The following HS6ST2 variants were observed in gnomAD, a reference collection of about 807,000 sequenced individuals.
HS6ST2 encodes the protein heparan sulfate 6-O-sulfotransferase 2, also known as heparan-sulfate 6-O-sulfotransferase 2.
Under a neutral mutation model 33.0 loss-of-function variants are expected in HS6ST2, and 17 were observed. The ratio of observed to expected loss-of-function variants is 0.52; its 90% CI spans 0.35 to 0.77. The LOEUF (loss-of-function observed/expected upper bound fraction) is 0.77. HS6ST2 is among the 30% of genes least tolerant of loss of function. The probability of loss-of-function intolerance (pLI) is 0.01; values close to 1 mark genes in which losing one functional copy is unlikely to be tolerated. For missense variants in HS6ST2, 519 were observed against 551.7 expected, an observed-to-expected ratio of 0.94 and a Z score of 0.59; for synonymous variants, 248 against 237.1, an observed-to-expected ratio of 1.05 and a Z score of -0.42.
chrX:132,775,132 A>G (rs1462405408), intron 2 of HS6ST2, among the ~76,000 whole-genome samples: 1 of 111,266 alleles, frequency 9.0e-6, no homozygotes, highest in Non-Finnish European at 1.9e-5. Flanking sequence ...TTCCCTAAAT[A>G]TACAGCTTCT....
At chrX:132,814,280 C>A (rs1162445324) in intron 2 of HS6ST2, among the ~76,000 whole-genome samples, 1 of 111,571 alleles carries the variant, frequency 9.0e-6, no homozygotes, top group Non-Finnish European at 1.9e-5. Context: ...TCCATAACGT[C>A]CAAGCTGGTA....
At position 132,627,465 on chromosome X, in the gene HS6ST2, G is replaced by A. The variant is rs1569474599; in HGVS notation, c.*758C>T. ...GTTGAAATTACAGTGCCCTGAAAGC[G>A]CCTGGAAATTAGATCTTTACATTGG... is the stretch of plus-strand genomic sequence containing the variant. On this transcript the variant is annotated 3_prime_UTR_variant, in exon 5 of 5. Transcript: ENST00000370833. 3.6e-5 allele frequency: 4 copies of A among 112,087 alleles called. No homozygotes were observed. Among genetic ancestry groups the A allele is most frequent in the African/African-American group, 6.5e-5 (2 of 30,780 alleles). 9.2% of individuals were successfully genotyped at this position (112,087 alleles called of 1,213,427 possible).
chrX:132,883,516 T>C (rs1443581598), intron 2 of HS6ST2, among the ~76,000 whole-genome samples: 3 of 111,390 alleles, frequency 2.7e-5, no homozygotes, highest in Non-Finnish European at 5.6e-5. Flanking sequence ...CAGCTTTTTA[T>C]TGAGTGCCTA....
intron 3 of HS6ST2, among the ~76,000 whole-genome samples, chrX:132,685,031 G>A (rs191778071): frequency 9.0e-6 from 1 of 111,488 alleles, no homozygotes; most frequent in African/African-American, 3.3e-5. Context: ...CTTGTCTATA[G>A]GTTACCGAGG....
At chrX:132,866,915 T>C (rs1339369018) in intron 2 of HS6ST2, among the ~76,000 whole-genome samples, 2 of 106,836 alleles carry the variant, frequency 1.9e-5, no homozygotes, top group African/African-American at 6.9e-5. Flanking sequence ...TACAATCATG[T>C]CGTCTGCAAA....
chrX:132,910,111 G>A (rs1381568937), intron 2 of HS6ST2, among the ~76,000 whole-genome samples: 1 of 111,944 alleles, frequency 8.9e-6, no homozygotes, highest in Non-Finnish European at 1.9e-5. Context: ...AATCCTGAAA[G>A]CCTTCAAATT....
In HS6ST2 at chrX:132,958,256, G is replaced by A. The variant is rs370454722; in HGVS notation, c.347C>T (p.Thr116Ile). The A allele has an allele frequency of 8.9e-5, 106 of 1,187,121 alleles. No homozygotes were observed. Among genetic ancestry groups the A allele is most frequent in the Non-Finnish European group, 1.2e-4 (104 of 888,879 alleles). The change falls in exon 1 of 5, where the codon ACT becomes ATT. Residue 116 changes from threonine (T) to isoleucine (I), a missense_variant. Coordinates refer to ENST00000370833, the MANE Select transcript of HS6ST2 (RefSeq NM_001394073.1). ...GTGGCCCAGGGCGGCCAGGCCCCGA[G>A]TGAGCAGGGCCCGGCAGAGGGAGCC... ...DLGSLCRALL[T>I]RGLAALGHSL...
At chrX:132,679,253 C>A (rs1359204447) in intron 3 of HS6ST2, among the ~76,000 whole-genome samples, 1 of 112,099 alleles carries the variant, frequency 8.9e-6, no homozygotes, top group Admixed American at 9.5e-5. Context: ...AGGGAACCTG[C>A]CCCTATAGTC....
intron 4 of HS6ST2, among the ~76,000 whole-genome samples, chrX:132,639,835 T>A (rs373885340): frequency 2.7e-5 from 3 of 112,005 alleles, no homozygotes; most frequent in African/African-American, 9.7e-5. Flanking sequence ...GGGACTATCA[T>A]GGTTTGCTCT....
chrX:132,770,841 T>C (rs1014558527), intron 2 of HS6ST2, among the ~76,000 whole-genome samples: 1 of 111,599 alleles, frequency 9.0e-6, no homozygotes, highest in Non-Finnish European at 1.9e-5. Context: ...GTGTATACCC[T>C]TACAAATGAT....
At chrX:132,839,269 T>C (rs1342536869) in intron 2 of HS6ST2, among the ~76,000 whole-genome samples, 3 of 78,126 alleles carry the variant, frequency 3.8e-5, no homozygotes, top group African/African-American at 9.3e-5. Context: ...AAATGTAGTG[T>C]GTGTATATAT....
chrX:132,944,663 C>T (rs1265769355), intron 2 of HS6ST2, among the ~76,000 whole-genome samples: 1 of 110,985 alleles, frequency 9.0e-6, no homozygotes, highest in Non-Finnish European at 1.9e-5. Flanking sequence ...GAGATATAGA[C>T]CAATGGAACA....
rs186658732 is a variant in HS6ST2, at chrX:132,852,987, G to A, written c.947+103821C>T. On this transcript the variant is annotated intron_variant, in intron 2 of 4. Coordinates refer to ENST00000370833, the MANE Select transcript of HS6ST2 (RefSeq NM_001394073.1). ...CCAGCTGCCAATAATCTGTAGTCCT[G>A]GGGTACAACATAAACATGGATAACT... is the stretch of plus-strand genomic sequence containing the variant. 6.0e-4 allele frequency among the ~76,000 whole-genome samples: 67 copies of A among 111,774 alleles called. No individual in the cohort carries two copies. The East Asian group carries it at 0.013, about 22-fold the overall frequency.
rs150154012 is a variant in HS6ST2 at position 132,700,652 on chromosome X, G to A, written c.980+7810C>T. Among the ~76,000 whole-genome samples the A allele has an allele frequency of 1.6e-4, 18 of 109,411 alleles. 1 individual carries two copies. The highest frequency in any genetic ancestry group is 6.0e-4 in the African/African-American group (18 of 30,000). On this transcript the variant is annotated intron_variant, in intron 3 of 4. Transcript: ENST00000370833. ...CAGAATAGAAAAACAGAAAGACAAG[G>A]AGAAGGCCACAAATATGCCTGGAAA... is the stretch of plus-strand genomic sequence containing the variant.
intron 2 of HS6ST2, among the ~76,000 whole-genome samples, chrX:132,755,023 C>T (rs2064745044): frequency 9.0e-6 from 1 of 111,680 alleles, no homozygotes; most frequent in East Asian, 2.8e-4. Flanking sequence ...ATACTATACT[C>T]TTTTACAAGG....
At chrX:132,766,376 A>G (rs1181841880) in intron 2 of HS6ST2, among the ~76,000 whole-genome samples, 1 of 112,137 alleles carries the variant, frequency 8.9e-6, no homozygotes, top group African/African-American at 3.2e-5. Flanking sequence ...CTGGGATTTG[A>G]GGGGAACAAA....
intron 2 of HS6ST2, among the ~76,000 whole-genome samples, chrX:132,793,969 G>A (rs2065146184): frequency 8.9e-6 from 1 of 112,611 alleles, no homozygotes; most frequent in African/African-American, 3.2e-5. Flanking sequence ...TCACCACTCT[G>A]CCATTTGTAA....
At chrX:132,804,711 A>G (rs1486034933) in intron 2 of HS6ST2, among the ~76,000 whole-genome samples, 1 of 111,380 alleles carries the variant, frequency 9.0e-6, no homozygotes, top group Non-Finnish European at 1.9e-5. Flanking sequence ...AGATGGGAGG[A>G]TTGCTTGAGC....
chrX:132,801,531 G>A (rs933111284), intron 2 of HS6ST2, among the ~76,000 whole-genome samples: 2 of 111,647 alleles, frequency 1.8e-5, no homozygotes, highest in African/African-American at 3.3e-5. Context: ...TACACAGTGA[G>A]CTTCCTAAAG....
Sources: allele counts gnomAD v4.1 joint callset (sites outside exome capture counted in the v4.1 genomes callset), GRCh38; gene constraint gnomAD v4.1.1; transcripts MANE v1.5; gene names NCBI Gene and HGNC (gene_info 2026-07-23, HGNC 2026-07-21).